Variants in BTBD10 observed in about 807,000 individuals in gnomAD.
BTBD10 encodes BTB domain containing 10.
A neutral mutation model predicts 53.2 loss-of-function variants in BTBD10; 21 were observed. The ratio of observed to expected loss-of-function variants is 0.39; its 90% CI spans 0.28 to 0.57. The LOEUF (loss-of-function observed/expected upper bound fraction) is 0.57. Among genes scored for constraint, BTBD10 ranks in the 20% least tolerant of loss-of-function variants. The pLI is 0.53. For missense variants in BTBD10, 360 were observed against 594.7 expected (o/e 0.61, Z 4.10); for synonymous variants, 149 against 192.7 (o/e 0.77, Z 1.88).
intron 1 of BTBD10, among the ~76,000 whole-genome samples, chr11:13,451,727 A>G (rs948658747): frequency 6.6e-6 from 1 of 152,224 alleles, no homozygotes; most frequent in Non-Finnish European, 1.5e-5. Context: ...CAAAAAATTA[A>G]AACAGTAAAA....
chr11:13,444,996 A>C, intron 2 of BTBD10, 28 bp downstream of exon 2: 1 of 1,544,808 alleles, frequency 6.5e-7, no homozygotes, highest in Non-Finnish European at 8.9e-7. Context: ...CAGAGCTTTC[A>C]TATGCGAAAT....
intron 8 of BTBD10, among the ~76,000 whole-genome samples, chr11:13,402,108 T>C (rs1949727003): frequency 6.6e-6 from 1 of 152,206 alleles, no homozygotes. Context: ...GTTTACAAAG[T>C]AATGAACTAG....
chr11:13,449,484 A>T (rs1950812842), intron 1 of BTBD10, among the ~76,000 whole-genome samples: 1 of 151,938 alleles, frequency 6.6e-6, no homozygotes, highest in African/African-American at 2.4e-5. Flanking sequence ...AGTCCAAAAG[A>T]GTTTAAAGGG....
At position 13,402,354 on chromosome 11, in the gene BTBD10, T is replaced by A. The variant is rs74237068; in HGVS notation, c.1117+814A>T. Among the ~76,000 whole-genome samples, 57 of 152,298 alleles carry A rather than the reference T, an allele frequency of 3.7e-4. No homozygotes were observed. The East Asian group carries it at 8.7e-3, about 23-fold the overall frequency. ...TATGTACTAGGCAGTGTTTTAAGTG[T>A]TTTTCATATATTAATTCATTCTATC... On this transcript the variant is annotated intron_variant, in intron 8 of 8. Transcript: ENST00000278174.
chr11:13,403,611 T>G (rs1179046623), intron 7 of BTBD10, among the ~76,000 whole-genome samples: 1 of 152,124 alleles, frequency 6.6e-6, no homozygotes, highest in African/African-American at 2.4e-5. Context: ...AAAGAAGATA[T>G]CAATATCGCA....
At chr11:13,414,922 AT>A (rs1950061993) in intron 5 of BTBD10, among the ~76,000 whole-genome samples, 1 of 151,626 alleles carries the variant, frequency 6.6e-6, no homozygotes, top group East Asian at 1.9e-4. Flanking sequence ...CAGTAACACA[AT>A]TTCTAAGGTT....
chr11:13,415,105 A>AC (rs1264454089), intron 5 of BTBD10, among the ~76,000 whole-genome samples: 1 of 133,966 alleles, frequency 7.5e-6, no homozygotes, highest in African/African-American at 2.8e-5. Flanking sequence ...TATCAATCAA[A>AC]CCTTTTTTTT....
At chr11:13,416,622 C>T (rs1445263632) in intron 5 of BTBD10, among the ~76,000 whole-genome samples, 1 of 152,092 alleles carries the variant, frequency 6.6e-6, no homozygotes, top group Non-Finnish European at 1.5e-5. Flanking sequence ...AATCCCCTAT[C>T]CTATCATCCT....
intron 2 of BTBD10, among the ~76,000 whole-genome samples, chr11:13,431,658 A>G (rs1013841990): frequency 2.0e-5 from 3 of 152,184 alleles, no homozygotes; most frequent in African/African-American, 7.2e-5. Context: ...TCAGAAGCAA[A>G]TATCTATTGC....
chr11:13,447,394 A>G (rs368725275), intron 1 of BTBD10, among the ~76,000 whole-genome samples: 72 of 152,276 alleles, frequency 4.7e-4, no homozygotes, highest in African/African-American at 1.6e-3. Context: ...ATATCTGGGA[A>G]TACAGACTAA....
intron 7 of BTBD10, among the ~76,000 whole-genome samples, chr11:13,403,838 A>G (rs780259807): frequency 4.6e-5 from 7 of 152,198 alleles, no homozygotes; most frequent in Non-Finnish European, 8.8e-5. Context: ...AAAATGGCAG[A>G]TTCGAGCAAG....
chr11:13,401,763 C>A (rs1326718056), intron 8 of BTBD10, among the ~76,000 whole-genome samples: 1 of 152,176 alleles, frequency 6.6e-6, no homozygotes, highest in African/African-American at 2.4e-5. Flanking sequence ...TACCTTAAGA[C>A]ACTTGGCCAG....
intron 2 of BTBD10, among the ~76,000 whole-genome samples, chr11:13,432,894 A>ATT (rs1950476976): frequency 6.6e-6 from 1 of 152,138 alleles, no homozygotes; most frequent in Non-Finnish European, 1.5e-5. Flanking sequence ...GAGAACAGAG[A>ATT]AAATAGAGGG....
At chr11:13,391,882 T>C (rs913760102) in intron 8 of BTBD10, among the ~76,000 whole-genome samples, 1 of 152,226 alleles carries the variant, frequency 6.6e-6, no homozygotes, top group Non-Finnish European at 1.5e-5. Flanking sequence ...AGGCGGAGGC[T>C]GCAGTGAGCT....
chr11:13,396,459 C>G (rs1949553826), intron 8 of BTBD10, among the ~76,000 whole-genome samples: 1 of 152,176 alleles, frequency 6.6e-6, no homozygotes, highest in Non-Finnish European at 1.5e-5. Flanking sequence ...ATGGGGTTTT[C>G]TAGATATACA....
At chr11:13,452,092 T>C (rs972843323) in intron 1 of BTBD10, among the ~76,000 whole-genome samples, 5 of 151,994 alleles carry the variant, frequency 3.3e-5, no homozygotes, top group African/African-American at 9.7e-5. Context: ...TGAAGAAAAT[T>C]GAAAAGAGAT....
At chr11:13,453,758 A>G (rs1388486517) in intron 1 of BTBD10, among the ~76,000 whole-genome samples, 1 of 152,158 alleles carries the variant, frequency 6.6e-6, no homozygotes, top group Admixed American at 6.5e-5. Context: ...TGTTAACTAC[A>G]TTAAGAAGAA....
At chr11:13,448,633 T>C (rs1303958463) in intron 1 of BTBD10, among the ~76,000 whole-genome samples, 2 of 152,222 alleles carry the variant, frequency 1.3e-5, no homozygotes, top group African/African-American at 4.8e-5. Context: ...CTTTCATTCA[T>C]ACGAGTGCTG....
chr11:13,397,415 A>G (rs1264044151), intron 8 of BTBD10, among the ~76,000 whole-genome samples: 2 of 152,046 alleles, frequency 1.3e-5, no homozygotes, highest in African/African-American at 2.4e-5. Context: ...TATTGCGTCT[A>G]TTTGATTCTT....
Sources: gnomAD v4.1 joint callset for allele counts (sites outside exome capture counted in the v4.1 genomes callset) on GRCh38, gnomAD v4.1.1 for gene constraint, MANE v1.5 for transcripts, NCBI Gene and HGNC (gene_info 2026-07-23, HGNC 2026-07-21) for gene names.